CD58: variants seen among roughly 807,000 people sequenced by gnomAD.
The protein encoded by CD58 is lymphocyte function-associated antigen 3.
A neutral mutation model predicts 27.6 loss-of-function variants in CD58; 14 were observed. The observed-to-expected ratio is 0.51, with a 90% CI of 0.34 to 0.79. The LOEUF (loss-of-function observed/expected upper bound fraction) is 0.79, where lower values mean the gene tolerates loss of function less well. CD58 is among the 30% of genes least tolerant of loss of function. The pLI, the probability that CD58 is intolerant of heterozygous loss-of-function variation, is 0.02. For synonymous variants in CD58, 117 were observed against 103.8 expected (o/e 1.13, Z -0.77); for missense variants, 268 against 301.7 (o/e 0.89, Z 0.83).
rs191474472 is a variant in CD58, at chr1:116,535,564, G to A, written c.628+401C>T. Among the ~76,000 whole-genome samples, 554 of 98,524 alleles carry A rather than the reference G, an allele frequency of 5.6e-3. 115 individuals carry two copies. Among genetic ancestry groups the A allele is most frequent in the African/African-American group, 0.026 (510 of 19,934 alleles). 64.6% of individuals were successfully genotyped at this position (98,524 alleles called of 152,430 possible). A position where few individuals can be genotyped will look rare whatever the true frequency, so the allele number is the denominator to read the frequency against. On this transcript the variant is annotated intron_variant, in intron 3 of 5. Transcript: ENST00000369489. The stretch of plus-strand genomic sequence containing the variant: ...TGTTAAAAATTGTAACTTGTTGGCC[G>A]GGCGCGGTGGCTCACGCCTGTAATC...
chr1:116,540,458 T>C (rs1657954578), intron 2 of CD58, among the ~76,000 whole-genome samples: 1 of 152,244 alleles, frequency 6.6e-6, no homozygotes, highest in Non-Finnish European at 1.5e-5. Flanking sequence ...AGACTCTTTC[T>C]TGGACCCTCT....
chr1:116,550,656 G>T lies in CD58; in HGVS notation c.71-6052C>A, dbSNP rs1408555096. Among the ~76,000 whole-genome samples the T allele has an allele frequency of 6.6e-6, 1 of 151,958 alleles. No individual in the cohort carries two copies. The highest frequency in any genetic ancestry group is 1.5e-5 in the Non-Finnish European group (1 of 68,012). The stretch of plus-strand genomic sequence containing the variant: ...AAACTCCTGTTAATGTTGATATTTT[G>T]ATCTTCTCCCATGAACCACAAATAT... On this transcript the variant is annotated intron_variant, in intron 1 of 5. Transcript: ENST00000369489. This position sits in a 1 kb window ranked among gnomAD's most constrained non-coding sequence, Gnocchi z 4.2.
intron 3 of CD58, among the ~76,000 whole-genome samples, chr1:116,525,792 A>T (rs904860200): frequency 6.6e-5 from 10 of 152,216 alleles, no homozygotes; most frequent in African/African-American, 2.2e-4. Context: ...GACATAGGAC[A>T]TGCCTAGCTA....
At position 116,515,277 on chromosome 1, in the gene CD58, T is replaced by A. The variant is rs1191981423; in HGVS notation, c.744-455A>T. Among the ~76,000 whole-genome samples, 1 of 152,144 alleles carries A rather than the reference T, an allele frequency of 6.6e-6. No homozygotes were observed. The highest frequency in any genetic ancestry group is 6.5e-5 in the Admixed American group (1 of 15,268). ...CAATCTCTGGCTGTCTTGGAGTAAATCAGCCGAAAAACAAAACCGCATCCT... is the reference window on the plus strand; with the variant it reads ...CAATCTCTGGCTGTCTTGGAGTAAAACAGCCGAAAAACAAAACCGCATCCT... On this transcript the variant is annotated intron_variant, in intron 5 of 5. Coordinates refer to ENST00000369489, the MANE Select transcript of CD58 (RefSeq NM_001779.3). This position sits in a 1 kb window ranked among gnomAD's most constrained non-coding sequence, Gnocchi z 4.6.
In CD58 at chr1:116,534,546, G is replaced by A. The variant is rs975977699; in HGVS notation, c.628+1419C>T. On this transcript the variant is annotated intron_variant, in intron 3 of 5. Coordinates refer to ENST00000369489, the MANE Select transcript of CD58 (RefSeq NM_001779.3). This position sits in a 1 kb window ranked among gnomAD's most constrained non-coding sequence, Gnocchi z 5.3. ...GCCGCCGGCGAGGAAGCCGCCCGCA[G>A]CGCAGAACAAAGCGACTTGACCTTC... 1.3e-5 allele frequency among the ~76,000 whole-genome samples: 2 copies of A among 152,182 alleles called. No individual in the cohort carries two copies. The highest frequency in any genetic ancestry group is 1.9e-4 in the East Asian group (1 of 5,172).
Position 116,536,490 on chromosome 1 carries a change from G to A in CD58, c.365-262C>T, listed in dbSNP as rs530086126. The stretch of plus-strand genomic sequence containing the variant: ...TCTTGAATTGTAATTCCCATGTGTC[G>A]AGAGAGGGACCTGGTGGGAGGTGAT... On this transcript the variant is annotated intron_variant, in intron 2 of 5. Coordinates refer to ENST00000369489, the MANE Select transcript of CD58 (RefSeq NM_001779.3). This position sits in a 1 kb window ranked among gnomAD's most constrained non-coding sequence, Gnocchi z 5.4. Among the ~76,000 whole-genome samples the A allele has an allele frequency of 4.6e-5, 7 of 152,110 alleles. No homozygotes were observed. The highest frequency in any genetic ancestry group is 3.9e-4 in the East Asian group (2 of 5,186).
intron 2 of CD58, among the ~76,000 whole-genome samples, chr1:116,543,738 C>T (rs1658066325): frequency 6.6e-6 from 1 of 151,976 alleles, no homozygotes; most frequent in African/African-American, 2.4e-5. Flanking sequence ...GCCTGGCCAA[C>T]ACAGTGAAAC....
rs1167382429 is a variant in CD58, at chr1:116,570,029, AACGG to A, written c.70+870_70+873del. ...CCGGGCAGGCAGCGGACGCTGAGCA[AACGG>A]ACGGACGGGCTGGAGGGCTGGCAGT... On this transcript the variant is annotated intron_variant, in intron 1 of 5. Transcript: ENST00000369489. This position sits in a 1 kb window ranked among gnomAD's most constrained non-coding sequence, Gnocchi z 6.4. Among the ~76,000 whole-genome samples, 1 of 152,202 alleles carries A rather than the reference AACGG, an allele frequency of 6.6e-6. No individual in the cohort carries two copies. Among genetic ancestry groups the A allele is most frequent in the Admixed American group, 6.5e-5 (1 of 15,278 alleles).
At chr1:116,533,795 G>T in intron 3 of CD58, 1 of 738,292 alleles carries the variant, frequency 1.4e-6, no homozygotes, top group Non-Finnish European at 2.5e-6. Context: ...AAGAGAGGCT[G>T]GTATAATGCT....
At chr1:116,518,295 G>A (rs1657152753) in intron 5 of CD58, among the ~76,000 whole-genome samples, 1 of 151,914 alleles carries the variant, frequency 6.6e-6, no homozygotes, top group South Asian at 2.1e-4. Context: ...TGCATATTCA[G>A]TTCTGCCACC....
At chr1:116,545,072 A>G (rs182367651) in intron 1 of CD58, among the ~76,000 whole-genome samples, 251 of 152,310 alleles carry the variant, frequency 1.6e-3, no homozygotes, top group African/African-American at 5.8e-3. Flanking sequence ...TCATACAGAT[A>G]TATAGGAAGC....
chr1:116,529,341 G>T (rs1186612542), intron 3 of CD58, among the ~76,000 whole-genome samples: 1 of 152,354 alleles, frequency 6.6e-6, no homozygotes, highest in East Asian at 1.9e-4. Context: ...ATAAGGAGGA[G>T]CAAAATGTAG....
In CD58 at chr1:116,523,616, T is replaced by C. The variant is rs774159392; in HGVS notation, c.629-1633A>G. ...GGCAATAATACTCCCCAAGTAGTGT[T>C]TGTATACTTCCCTTAGGTGGCATAC... On this transcript the variant is annotated intron_variant, in intron 3 of 5. Transcript: ENST00000369489. The surrounding 1 kb of genome is among the most constrained non-coding windows in gnomAD (Gnocchi z 4.4). 1.3e-5 allele frequency among the ~76,000 whole-genome samples: 2 copies of C among 152,176 alleles called. No homozygotes were observed. The highest frequency in any genetic ancestry group is 6.5e-5 in the Admixed American group (1 of 15,282).
intron 3 of CD58, among the ~76,000 whole-genome samples, chr1:116,526,310 T>G (rs1657432029): frequency 6.6e-6 from 1 of 152,228 alleles, no homozygotes; most frequent in South Asian, 2.1e-4. Flanking sequence ...TTAGGAGTCT[T>G]ATGGTTTTGC....
In CD58 at chr1:116,541,205, G is replaced by C. The variant is rs551937696; in HGVS notation, c.364+3106C>G. Reference sequence around the variant, plus strand: ...TAGTTTTACAAACTCTATAAAAAGGGCTCTTAAAATGTGTGATCTAAATTC... The same window carrying C: ...TAGTTTTACAAACTCTATAAAAAGGCCTCTTAAAATGTGTGATCTAAATTC... On this transcript the variant is annotated intron_variant, in intron 2 of 5. Transcript: ENST00000369489. This position sits in a 1 kb window ranked among gnomAD's most constrained non-coding sequence, Gnocchi z 5.3. Among the ~76,000 whole-genome samples, 1 of 152,270 alleles carries C rather than the reference G, an allele frequency of 6.6e-6. No individual in the cohort carries two copies. Among genetic ancestry groups the C allele is most frequent in the African/African-American group, 2.4e-5 (1 of 41,542 alleles).
rs1657646866 is a variant in CD58, at chr1:116,532,512, T to C, written c.628+3453A>G. 6.6e-6 allele frequency among the ~76,000 whole-genome samples: 1 copy of C among 152,162 alleles called. No homozygotes were observed. The highest frequency in any genetic ancestry group is 1.5e-5 in the Non-Finnish European group (1 of 68,028). On this transcript the variant is annotated intron_variant, in intron 3 of 5. Coordinates refer to ENST00000369489, the MANE Select transcript of CD58 (RefSeq NM_001779.3). This position sits in a 1 kb window ranked among gnomAD's most constrained non-coding sequence, Gnocchi z 5.1. ...AAAACAGCGAGTGGGTTTCTTCAAATGAAAGGAAAGAATTCAGTCCAACTG... is the reference window on the plus strand; with the variant it reads ...AAAACAGCGAGTGGGTTTCTTCAAACGAAAGGAAAGAATTCAGTCCAACTG...
At chr1:116,545,862 T>C (rs1658151089) in intron 1 of CD58, among the ~76,000 whole-genome samples, 1 of 152,226 alleles carries the variant, frequency 6.6e-6, no homozygotes, top group Non-Finnish European at 1.5e-5. Context: ...TGCATCTTGC[T>C]CTAGGACTTG....
chr1:116,561,959 C>T (rs1411988822), intron 1 of CD58, among the ~76,000 whole-genome samples: 11 of 152,166 alleles, frequency 7.2e-5, no homozygotes, highest in Non-Finnish European at 1.2e-4. Context: ...TGTTATAACA[C>T]TGGGCCTAGT....
intron 1 of CD58, among the ~76,000 whole-genome samples, chr1:116,545,696 TGTTAGCATCTCTGCCCAGCCC>T (rs1658146047): frequency 6.6e-6 from 1 of 152,148 alleles, no homozygotes; most frequent in African/African-American, 2.4e-5. Context: ...ATGAGCCAAT[TGTTAGCATCTCTGCCCAGCCC>T]TATTAGGGAA....
Sources: gnomAD v4.1 joint callset for allele counts (sites outside exome capture counted in the v4.1 genomes callset) on GRCh38, gnomAD v4.1.1 for gene constraint, Gnocchi (gnomAD v3.1) non-coding constraint, MANE v1.5 for transcripts, NCBI Gene and HGNC (gene_info 2026-07-23, HGNC 2026-07-21) for gene names.